Variants in UNC80 observed in about 807,000 individuals in gnomAD.
UNC80 encodes unc-80 subunit of NALCN channel complex, also known as protein unc-80 homolog.
A neutral mutation model predicts 384.6 loss-of-function variants in UNC80; 164 were observed. That is an observed-to-expected ratio of 0.43 (90% CI 0.38 to 0.49). UNC80 has a LOEUF of 0.49. Ranked by LOEUF, UNC80 falls within the 20% of genes least tolerant of loss-of-function variation. UNC80 has a pLI of 0.00. For missense variants in UNC80, 3,330 were observed against 4,143.0 expected, an observed-to-expected ratio of 0.80 and a Z score of 5.39; for synonymous variants, 1,486 against 1,527.8, an observed-to-expected ratio of 0.97 and a Z score of 0.64.
intron 61 of UNC80, among the ~76,000 whole-genome samples, chr2:209,986,634 T>G (rs1279472270): frequency 1.3e-5 from 2 of 152,194 alleles, no homozygotes; most frequent in Non-Finnish European, 2.9e-5. Context: ...ATCCGTTGTT[T>G]CTGTGACCAT....
At chr2:209,967,894 G>T in intron 52 of UNC80, 1 of 333,934 alleles carries the variant, frequency 3.0e-6, no homozygotes. Context: ...CTCCTCATCT[G>T]ACACATATAA....
chr2:209,912,561 G>A lies in UNC80; in HGVS notation c.4784G>A (p.Cys1595Tyr). 1 of 1,547,910 alleles carries A rather than the reference G, an allele frequency of 6.5e-7. No homozygotes were observed. Among genetic ancestry groups the A allele is most frequent in the South Asian group, 1.2e-5 (1 of 83,788 alleles). ...ATTACATATCCCTGGTCTTTTCAGT[G>A]CTCAGATAAGTCATGCCTGAGGACA... ...VALRGKKQKECSDKSCLRTPS... is the reference protein window; with the variant it reads ...VALRGKKQKEYSDKSCLRTPS... The change falls in exon 30 of 65, where the codon TGC (cysteine) becomes TAC (tyrosine). Residue 1595 changes from cysteine to tyrosine, a missense_variant and splice_region_variant. This residue lies in a region of UNC80 where 801 missense variants were observed against 950.8 expected (regional missense o/e 0.84). Coordinates refer to ENST00000673920, the MANE Select transcript of UNC80 (RefSeq NM_001371986.1).
intron 47 of UNC80, among the ~76,000 whole-genome samples, chr2:209,947,041 G>A (rs2091946078): frequency 6.6e-6 from 1 of 152,166 alleles, no homozygotes; most frequent in Admixed American, 6.5e-5. Context: ...AGGCACGGAT[G>A]TGGCTGTGGC....
At chr2:209,949,462 C>T (rs2092056395) in intron 47 of UNC80, among the ~76,000 whole-genome samples, 1 of 151,850 alleles carries the variant, frequency 6.6e-6, no homozygotes, top group Admixed American at 6.6e-5. Context: ...TCTCTCCTAC[C>T]CACCCCCCGC....
Position 209,771,933 on chromosome 2 carries a change from C to G in UNC80, c.-140C>G. 3.0e-6 allele frequency: 2 copies of G among 660,988 alleles called. No individual in the cohort carries two copies. Among genetic ancestry groups the G allele is most frequent in the Admixed American group, 2.1e-5 (1 of 46,950 alleles). 40.9% of individuals were successfully genotyped at this position (660,988 alleles called of 1,614,324 possible). Reference sequence around the variant, plus strand: ...GAGGGGTGGGGGGAGGGGAGAGGCACGGGGGATCAGGGCGGAGAGAGCCGG... The same window carrying G: ...GAGGGGTGGGGGGAGGGGAGAGGCAGGGGGGATCAGGGCGGAGAGAGCCGG... On this transcript the variant is annotated 5_prime_UTR_variant, in exon 1 of 65. Transcript: ENST00000673920.
chr2:209,782,875 A>G (rs554758799), intron 4 of UNC80, among the ~76,000 whole-genome samples: 54 of 152,028 alleles, frequency 3.6e-4, no homozygotes, highest in African/African-American at 1.2e-3. Context: ...TAAATATGGT[A>G]TCAACATTGT....
rs1241063490 is a variant in UNC80 at position 209,976,945 on chromosome 2, G to C, written c.8805G>C (p.Glu2935Asp). 2.6e-6 allele frequency: 4 copies of C among 1,528,618 alleles called. No individual in the cohort carries two copies. Among genetic ancestry groups the C allele is most frequent in the African/African-American group, 1.4e-5 (1 of 72,704 alleles). 94.7% of individuals were successfully genotyped at this position (1,528,618 alleles called of 1,614,324 possible). A position where few individuals can be genotyped will look rare whatever the true frequency, so the allele number is the denominator to read the frequency against. The part of the protein sequence containing the change: ...LLAQPAENHE[E>D]LSARQHIADQ... ...CCCAACCAGCAGAGAATCATGAAGA[G>C]CTTTCCGCCCGGCAACATATTGCCG... The change falls in exon 58 of 65, where the codon GAG (glutamate) becomes GAC (aspartate). Residue 2935 changes from glutamate to aspartate, a missense_variant. This residue lies in a region of UNC80 where 216 missense variants were observed against 245.3 expected (regional missense o/e 0.88). Transcript: ENST00000673920. The surrounding 1 kb of genome is among the most constrained non-coding windows in gnomAD (Gnocchi z 4.3).
At chr2:209,922,201 TA>T in intron 34 of UNC80, 50 bp from the exon 35 acceptor site, 1 of 1,544,830 alleles carries the variant, frequency 6.5e-7, no homozygotes, top group Non-Finnish European at 8.8e-7. Flanking sequence ...GTGATAATAA[TA>T]ACTCTTTTGT....
chr2:209,883,669 A>C (rs2085502604), intron 25 of UNC80, among the ~76,000 whole-genome samples: 2 of 151,956 alleles, frequency 1.3e-5, no homozygotes, highest in Admixed American at 6.6e-5. Context: ...TCCTGACCTC[A>C]TGATCCGCCT....
intron 14 of UNC80, among the ~76,000 whole-genome samples, chr2:209,828,918 T>G (rs1021725795): frequency 6.6e-6 from 1 of 152,234 alleles, no homozygotes; most frequent in Non-Finnish European, 1.5e-5. Context: ...TTCAAACTTT[T>G]TTTTTCATTA....
intron 18 of UNC80, among the ~76,000 whole-genome samples, chr2:209,838,258 A>C (rs1367003917): frequency 2.5e-4 from 31 of 122,546 alleles, no homozygotes; most frequent in East Asian, 5.2e-4. Flanking sequence ...TCTCCTCCCC[A>C]CCCCCCACCC....
At chr2:209,939,319 A>G (rs1278703787) in intron 42 of UNC80, among the ~76,000 whole-genome samples, 153 bp from the exon 43 acceptor site, 1 of 152,194 alleles carries the variant, frequency 6.6e-6, no homozygotes, top group African/African-American at 2.4e-5. Flanking sequence ...GTGGTAAAGG[A>G]TAAAAACACA....
chr2:209,849,430 A>G, intron 21 of UNC80, 21 bp from the exon 22 acceptor site: 1 of 1,550,324 alleles, frequency 6.5e-7, no homozygotes, highest in Non-Finnish European at 8.7e-7. Context: ...TCATTCCTCC[A>G]CCATGGCACC....
chr2:209,847,375 A>C (rs1217449459), intron 21 of UNC80, among the ~76,000 whole-genome samples: 1 of 152,054 alleles, frequency 6.6e-6, no homozygotes, highest in Non-Finnish European at 1.5e-5. Context: ...TATATCAAAA[A>C]TATATTCTTA....
At chr2:209,896,706 G>T (rs906155705) in intron 28 of UNC80, among the ~76,000 whole-genome samples, 3 of 152,098 alleles carry the variant, frequency 2.0e-5, no homozygotes, top group Admixed American at 2.0e-4. Context: ...GATAACCTGA[G>T]TGACACAGCG....
chr2:209,880,533 G>T (rs1443817447), intron 24 of UNC80, among the ~76,000 whole-genome samples: 20 of 152,178 alleles, frequency 1.3e-4, no homozygotes, highest in Admixed American at 1.3e-3. Flanking sequence ...CTAGTTCACT[G>T]CCATATACAT....
In UNC80 at chr2:209,933,806, T is replaced by C; in HGVS notation, c.5995-16T>C. 1 of 1,545,416 alleles carries C rather than the reference T, an allele frequency of 6.5e-7. No individual in the cohort carries two copies. The highest frequency in any genetic ancestry group is 2.4e-5 in the East Asian group (1 of 40,830). ...ATTATTGTAGCTTTGTGAACTCTTC[T>C]TATACTGACTTCTAGGTAGGATTAA... On this transcript the variant is annotated splice_polypyrimidine_tract_variant and intron_variant, in intron 38 of 64. Coordinates refer to ENST00000673920, the MANE Select transcript of UNC80 (RefSeq NM_001371986.1).
In UNC80 at chr2:209,817,119, A is replaced by G; in HGVS notation, c.1546A>G (p.Ile516Val). The change falls in exon 10 of 65, where the codon ATT becomes GTT. Residue 516 changes from isoleucine (I) to valine (V), a missense_variant. Ile to Val is a conservative substitution (Grantham distance 29). This residue lies in a region of UNC80 where 937 missense variants were observed against 1,026.8 expected (regional missense o/e 0.91). Transcript: ENST00000673920. Reference sequence around the variant, plus strand: ...TGAGAAAGGAGGCTGGCAAACCACCATTTTAGGTGACCACAAGGCCTTCCA... The same window carrying G: ...TGAGAAAGGAGGCTGGCAAACCACCGTTTTAGGTGACCACAAGGCCTTCCA... ...GIEKGGWQTT[I>V]LGKLTRRGSS... 1 of 1,551,452 alleles carries G rather than the reference A, an allele frequency of 6.4e-7. No individual in the cohort carries two copies. Among genetic ancestry groups the G allele is most frequent in the Non-Finnish European group, 8.7e-7 (1 of 1,146,986 alleles).
At chr2:209,991,874 C>T (rs1236283102) in intron 61 of UNC80, among the ~76,000 whole-genome samples, 1 of 152,098 alleles carries the variant, frequency 6.6e-6, no homozygotes, top group East Asian at 1.9e-4. Flanking sequence ...CATCTTATAC[C>T]TTTTGGTGGC....
Sources: allele counts gnomAD v4.1 joint callset (sites outside exome capture counted in the v4.1 genomes callset), GRCh38; gene constraint gnomAD v4.1.1; regional missense constraint gnomAD v4.1.1; non-coding constraint Gnocchi (gnomAD v3.1); transcripts MANE v1.5; gene names NCBI Gene and HGNC (gene_info 2026-07-23, HGNC 2026-07-21).